The following BCAS4 variants were observed in gnomAD, a reference collection of about 807,000 sequenced individuals.
The protein encoded by BCAS4 is breast carcinoma-amplified sequence 4.
In BCAS4, 9 loss-of-function variants were observed where a neutral mutation model predicts 15.7. That is an observed-to-expected ratio of 0.57 (90% confidence interval 0.34 to 1.00). The LOEUF (loss-of-function observed/expected upper bound fraction) is 1.00, where lower values mean the gene tolerates loss of function less well. BCAS4 is among the 50% of genes least tolerant of loss of function. BCAS4 has a pLI of 0.02. For synonymous variants in BCAS4, 101 were observed against 99.5 expected (o/e 1.02, Z -0.09); for missense variants, 225 against 239.1 (o/e 0.94, Z 0.39).
chr20:50,835,013 A>T (rs369165019), intron 3 of BCAS4, among the ~76,000 whole-genome samples: 1 of 152,166 alleles, frequency 6.6e-6, no homozygotes, highest in Admixed American at 6.6e-5. Flanking sequence ...GCTGCTATGA[A>T]CGTTTGCGTA....
At chr20:50,875,518 A>G (rs1176910086) in intron 4 of BCAS4, among the ~76,000 whole-genome samples, 1 of 148,824 alleles carries the variant, frequency 6.7e-6, no homozygotes, top group African/African-American at 2.5e-5. Flanking sequence ...TCATCCTAGC[A>G]CTTTGGGAGG....
chr20:50,864,393 T>C (rs190832019), intron 4 of BCAS4, among the ~76,000 whole-genome samples: 5 of 151,794 alleles, frequency 3.3e-5, no homozygotes, highest in African/African-American at 1.2e-4. Context: ...ATCATCAAGA[T>C]AGAGTAAGGG....
chr20:50,810,262 C>G (rs1445503160), intron 1 of BCAS4, among the ~76,000 whole-genome samples: 1 of 151,900 alleles, frequency 6.6e-6, no homozygotes, highest in Admixed American at 6.6e-5. Flanking sequence ...AGGCCTAGAC[C>G]TGGGAGTCAC....
At chr20:50,816,791 ATTTTTTTTTT>A (rs35600563) in intron 1 of BCAS4, among the ~76,000 whole-genome samples, 28 of 80,898 alleles carry the variant, frequency 3.5e-4, no homozygotes, top group African/African-American at 1.4e-3. Flanking sequence ...TGCCTGGCTA[ATTTTTTTTTT>A]TTTTTTTTTT....
intron 3 of BCAS4, chr20:50,833,033 G>T: frequency 6.6e-6 from 1 of 152,512 alleles, no homozygotes; most frequent in Non-Finnish European, 1.5e-5. Context: ...GTGCTGTGAA[G>T]GGAAGTAGCG....
intron 4 of BCAS4, among the ~76,000 whole-genome samples, chr20:50,844,700 G>A (rs1251449543): frequency 6.6e-6 from 1 of 152,150 alleles, no homozygotes; most frequent in Non-Finnish European, 1.5e-5. Context: ...AGGCCTGTGG[G>A]GTGTGAAACT....
At chr20:50,841,949 T>A in intron 4 of BCAS4, 49 bp downstream of exon 4, 1 of 1,511,380 alleles carries the variant, frequency 6.6e-7, no homozygotes. Context: ...CCCCCTTCGC[T>A]CCGCAGACCC....
chr20:50,872,263 C>CAAAAAAAAA (rs71192504), intron 4 of BCAS4, among the ~76,000 whole-genome samples: 38 of 62,730 alleles, frequency 6.1e-4, no homozygotes, highest in Admixed American at 1.1e-3. Flanking sequence ...GACTCTGTCT[C>CAAAAAAAAA]AAAAAAAAAA....
chr20:50,868,554 C>G (rs923640045), intron 4 of BCAS4, among the ~76,000 whole-genome samples: 2 of 152,204 alleles, frequency 1.3e-5, no homozygotes, highest in Admixed American at 1.3e-4. Context: ...TCCTGAGTAG[C>G]TGGGACTACA....
intron 2 of BCAS4, among the ~76,000 whole-genome samples, chr20:50,822,175 G>A (rs564327910): frequency 3.9e-5 from 6 of 152,254 alleles, no homozygotes; most frequent in South Asian, 2.1e-4. Flanking sequence ...CCCCGTGCAC[G>A]CTCTCCACGT....
intron 1 of BCAS4, among the ~76,000 whole-genome samples, chr20:50,802,914 G>A (rs1431721962): frequency 6.6e-6 from 1 of 151,798 alleles, no homozygotes; most frequent in East Asian, 1.9e-4. Context: ...GGCCATGGTG[G>A]CTCATGCCTG....
chr20:50,800,119 CG>C (rs1308890390), intron 1 of BCAS4, among the ~76,000 whole-genome samples: 1 of 152,014 alleles, frequency 6.6e-6, no homozygotes, highest in African/African-American at 2.4e-5. Context: ...CAGACATGGG[CG>C]GATGTGAGAT....
chr20:50,803,074 G>A (rs2087947242), intron 1 of BCAS4, among the ~76,000 whole-genome samples: 1 of 152,134 alleles, frequency 6.6e-6, no homozygotes, highest in Non-Finnish European at 1.5e-5. Context: ...CCAGCTACTC[G>A]GGAGGCTGGG....
chr20:50,859,741 G>C (rs1978969459), intron 4 of BCAS4, among the ~76,000 whole-genome samples: 1 of 151,974 alleles, frequency 6.6e-6, no homozygotes, highest in South Asian at 2.1e-4. Flanking sequence ...CGCAGGTTGA[G>C]GGGGGCAGGA....
chr20:50,813,674 C>CTTTTTTTTTTTT (rs965295871), intron 1 of BCAS4, among the ~76,000 whole-genome samples: 2 of 82,390 alleles, frequency 2.4e-5, no homozygotes, highest in African/African-American at 1.1e-4. Flanking sequence ...GGTGGAGGAC[C>CTTTTTTTTTTTT]TTTTTTTTTT....
intron 4 of BCAS4, among the ~76,000 whole-genome samples, chr20:50,855,214 T>C (rs1978692058): frequency 6.6e-6 from 1 of 151,978 alleles, no homozygotes; most frequent in Admixed American, 6.5e-5. Flanking sequence ...TTTCGGCCTC[T>C]GGCTCTGCAT....
At chr20:50,801,208 T>C (rs113769689) in intron 1 of BCAS4, among the ~76,000 whole-genome samples, 32,456 of 151,870 alleles carry the variant, frequency 0.21, 3,677 homozygotes, top group African/African-American at 0.29. Context: ...GGGTGGATCA[T>C]TTGAGGGCAG....
At chr20:50,828,332 C>A (rs1318588833) in intron 2 of BCAS4, among the ~76,000 whole-genome samples, 1 of 151,658 alleles carries the variant, frequency 6.6e-6, no homozygotes, top group Non-Finnish European at 1.5e-5. Context: ...ACGTACAGGG[C>A]AATGGGGCAA....
intron 3 of BCAS4, among the ~76,000 whole-genome samples, chr20:50,838,119 G>A (rs777779105): frequency 1.3e-4 from 20 of 152,198 alleles, no homozygotes; most frequent in South Asian, 4.1e-4. Context: ...ACCCAATGTC[G>A]TTTTGCTAAG....
Sources: allele counts gnomAD v4.1 joint callset (sites outside exome capture counted in the v4.1 genomes callset), GRCh38; gene constraint gnomAD v4.1.1; transcripts MANE v1.5; gene names NCBI Gene and HGNC (gene_info 2026-07-23, HGNC 2026-07-21).